Variants in SPAG16 observed in about 807,000 individuals in gnomAD.
The protein encoded by SPAG16 is sperm associated antigen 16, also known as sperm-associated antigen 16 protein.
A neutral mutation model predicts 80.4 loss-of-function variants in SPAG16; 86 were observed. The ratio of observed to expected loss-of-function variants is 1.07; its 90% CI spans 0.90 to 1.28. The LOEUF (loss-of-function observed/expected upper bound fraction) is 1.28, where lower values mean the gene tolerates loss of function less well. Among genes scored for constraint, SPAG16 ranks in the 50% most tolerant of loss-of-function variants. SPAG16 has a pLI of 0.00. For synonymous variants in SPAG16, 294 were observed against 265.9 expected (o/e 1.11, Z -1.03); for missense variants, 870 against 765.3 (o/e 1.14, Z -1.61).
chr2:213,902,292 A>G (rs927906194), intron 11 of SPAG16, among the ~76,000 whole-genome samples: 3 of 152,232 alleles, frequency 2.0e-5, no homozygotes, highest in East Asian at 1.9e-4. Context: ...TACATAGTAC[A>G]TTTATGTATT....
chr2:213,551,711 C>A (rs1397730666), intron 10 of SPAG16, among the ~76,000 whole-genome samples: 1 of 152,154 alleles, frequency 6.6e-6, no homozygotes, highest in Non-Finnish European at 1.5e-5. Flanking sequence ...AAGGGACACT[C>A]ACTTTTTGCT....
chr2:214,059,186 CTATA>C (rs36006046), intron 13 of SPAG16, among the ~76,000 whole-genome samples: 48 of 114,378 alleles, frequency 4.2e-4, no homozygotes, highest in African/African-American at 1.3e-3. Context: ...CTCTCTCTGT[CTATA>C]TATATATATA....
At chr2:214,089,975 C>T (rs1451939569) in intron 13 of SPAG16, among the ~76,000 whole-genome samples, 1 of 152,004 alleles carries the variant, frequency 6.6e-6, no homozygotes, top group Non-Finnish European at 1.5e-5. Context: ...AGACTCTGTA[C>T]ACATATGCCT....
chr2:213,410,915 G>A (rs144857995), intron 9 of SPAG16, among the ~76,000 whole-genome samples: 87 of 152,338 alleles, frequency 5.7e-4, no homozygotes, highest in Non-Finnish European at 1.1e-3. Flanking sequence ...GTCAGCCCCC[G>A]AGGGCCATCC....
Position 213,845,672 on chromosome 2 carries a change from TAAAAAC to T in SPAG16, c.1071-16802_1071-16797del, listed in dbSNP as rs370279658. On this transcript the variant is annotated intron_variant, in intron 10 of 15. Transcript: ENST00000331683. ...ACCTTTCATCACCTTAATTCTTTGT[TAAAAAC>T]AAAAACAAAATGCCATAAAACCTCA... Among the ~76,000 whole-genome samples, 1,086 of 152,254 alleles carry T rather than the reference TAAAAAC, an allele frequency of 7.1e-3. 13 individuals carry two copies. Among genetic ancestry groups the T allele is most frequent in the African/African-American group, 0.024 (1,015 of 41,542 alleles).
At chr2:213,879,800 C>A (rs2106022592) in intron 11 of SPAG16, among the ~76,000 whole-genome samples, 1 of 152,196 alleles carries the variant, frequency 6.6e-6, no homozygotes, top group African/African-American at 2.4e-5. Flanking sequence ...CATATAGTTG[C>A]AAAGAACATG....
Position 214,108,253 on chromosome 2 carries a change from G to C in SPAG16, c.1585G>C (p.Asp529His). ...GCATTCTATCAATGATGCCATTTTT[G>C]ATCCCAGGGTAAGTTCAGTTCTCCC... ...HMHSINDAIF[D>H]PRGHMIASCD... The change falls in exon 14 of 16, where the codon GAT (aspartate) becomes CAT (histidine). Residue 529 changes from aspartate to histidine, a missense_variant. Transcript: ENST00000331683. 1 of 1,601,676 alleles carries C rather than the reference G, an allele frequency of 6.2e-7. No individual in the cohort carries two copies. Among genetic ancestry groups the C allele is most frequent in the South Asian group, 1.1e-5 (1 of 90,068 alleles).
intron 7 of SPAG16, among the ~76,000 whole-genome samples, chr2:213,354,232 C>T (rs1388883092): frequency 6.6e-6 from 1 of 152,196 alleles, no homozygotes; most frequent in Non-Finnish European, 1.5e-5. Flanking sequence ...TTTTTTATGG[C>T]AGCATAGTAT....
intron 14 of SPAG16, among the ~76,000 whole-genome samples, chr2:214,148,403 G>A (rs937203848): frequency 6.6e-6 from 1 of 152,124 alleles, no homozygotes; most frequent in East Asian, 1.9e-4. Flanking sequence ...CCATTGCCAT[G>A]TCACTTGAAT....
At chr2:213,809,932 A>C (rs899303274) in intron 10 of SPAG16, among the ~76,000 whole-genome samples, 6 of 152,186 alleles carry the variant, frequency 3.9e-5, no homozygotes, top group African/African-American at 1.2e-4. Flanking sequence ...CATGGTATTC[A>C]TAATTGAGGA....
chr2:214,131,120 C>T (rs776155093), intron 14 of SPAG16, among the ~76,000 whole-genome samples: 1 of 151,960 alleles, frequency 6.6e-6, no homozygotes, highest in Non-Finnish European at 1.5e-5. Context: ...AGATCTAGTC[C>T]TTTTTCTTGA....
chr2:213,842,152 T>G lies in SPAG16; in HGVS notation c.1071-20333T>G, dbSNP rs534996452. Among the ~76,000 whole-genome samples the G allele has an allele frequency of 4.6e-5, 7 of 152,304 alleles. No homozygotes were observed. The South Asian group carries it at 1.2e-3, about 27-fold the overall frequency. ...GAATTTTTTTTCCAAAGGCAAAATT[T>G]TCTTTCCTGAATTCACAAAGCTTTT... On this transcript the variant is annotated intron_variant, in intron 10 of 15. Transcript: ENST00000331683.
At chr2:213,389,755 T>C (rs1476485500) in intron 9 of SPAG16, among the ~76,000 whole-genome samples, 1 of 152,128 alleles carries the variant, frequency 6.6e-6, no homozygotes, top group Non-Finnish European at 1.5e-5. Context: ...AGGACATAAG[T>C]TAATTGGAAC....
At chr2:213,442,323 A>G (rs561004005) in intron 9 of SPAG16, among the ~76,000 whole-genome samples, 1 of 152,342 alleles carries the variant, frequency 6.6e-6, no homozygotes, top group South Asian at 2.1e-4. Context: ...GCAAGACTCA[A>G]TATTGTCAAG....
intron 9 of SPAG16, among the ~76,000 whole-genome samples, chr2:213,478,697 AT>A (rs1168773644): frequency 2.6e-5 from 4 of 152,088 alleles, no homozygotes; most frequent in African/African-American, 4.8e-5. Context: ...ACATTAATTC[AT>A]TTTTTTGAAT....
intron 13 of SPAG16, among the ~76,000 whole-genome samples, chr2:214,100,336 A>T (rs1228858846): frequency 1.3e-5 from 2 of 152,058 alleles, no homozygotes; most frequent in African/African-American, 2.4e-5. Flanking sequence ...TTGATTTAAC[A>T]TATCAAAAAG....
In SPAG16 at chr2:213,310,182, A is replaced by T. The variant is rs188180392; in HGVS notation, c.398+5A>T. The stretch of plus-strand genomic sequence containing the variant: ...TGATTGCTTTCAGTCTGAATGGTAA[A>T]CAATTATGTAGATAAATAGTTCTCT... On this transcript the variant is annotated splice_donor_5th_base_variant and intron_variant, in intron 4 of 15. Transcript: ENST00000331683. 3 of 1,538,616 alleles carry T rather than the reference A, an allele frequency of 1.9e-6. No individual in the cohort carries two copies. Among genetic ancestry groups the T allele is most frequent in the African/African-American group, 2.7e-5 (2 of 72,822 alleles).
At chr2:214,176,652 G>A (rs1040207403) in intron 15 of SPAG16, among the ~76,000 whole-genome samples, 2 of 151,212 alleles carry the variant, frequency 1.3e-5, no homozygotes, top group Admixed American at 6.6e-5. Flanking sequence ...TCCCTTGGGA[G>A]CTCGGTAAGA....
Position 213,742,582 on chromosome 2 carries a change from C to T in SPAG16, c.1071-119903C>T, listed in dbSNP as rs1159895546. On this transcript the variant is annotated intron_variant, in intron 10 of 15. Coordinates refer to ENST00000331683, the MANE Select transcript of SPAG16 (RefSeq NM_024532.5). The stretch of plus-strand genomic sequence containing the variant: ...TTTTTTTTTTTTTGAGACGAAGTTT[C>T]GGTCTTGTCGCCCAGGCTGGAGTGC... 1.4e-4 allele frequency among the ~76,000 whole-genome samples: 17 copies of T among 117,816 alleles called. No individual in the cohort carries two copies. In the East Asian group the frequency reaches 3.2e-3, roughly 22 times the overall value. The allele number at this position is 117,816 out of a possible 152,430, so 77.3% of individuals were successfully genotyped here.
Sources: allele counts gnomAD v4.1 joint callset (sites outside exome capture counted in the v4.1 genomes callset), GRCh38; gene constraint gnomAD v4.1.1; transcripts MANE v1.5; gene names NCBI Gene and HGNC (gene_info 2026-07-23, HGNC 2026-07-21).